CYTH3: variants seen among roughly 807,000 people sequenced by gnomAD.
CYTH3 encodes cytohesin 3, also known as cytohesin-3.
CYTH3 carries 23 observed loss-of-function variants against 55.1 expected under a neutral mutation model. That is an observed-to-expected ratio of 0.42 (90% CI 0.30 to 0.59). The LOEUF (loss-of-function observed/expected upper bound fraction) is 0.59. Among genes scored for constraint, CYTH3 ranks in the 20% least tolerant of loss-of-function variants. CYTH3 has a pLI of 0.20. For synonymous variants in CYTH3, 249 were observed against 194.9 expected, an observed-to-expected ratio of 1.28 and a Z score of -2.31; for missense variants, 413 against 524.8, an observed-to-expected ratio of 0.79 and a Z score of 2.08.
chr7:6,212,412 A>G (rs1408934676), intron 1 of CYTH3, among the ~76,000 whole-genome samples: 1 of 152,176 alleles, frequency 6.6e-6, no homozygotes, highest in African/African-American at 2.4e-5. Flanking sequence ...CCCATTAAAT[A>G]CTAACTCCCC....
rs1262355040 is a variant in CYTH3, at chr7:6,259,743, A to AAT, written c.34+12729_34+12730dup. Among the ~76,000 whole-genome samples, 69 of 36,152 alleles carry AAT rather than the reference A, an allele frequency of 1.9e-3. 2 individuals are homozygous for AAT. The highest frequency in any genetic ancestry group is 5.7e-3 in the African/African-American group (39 of 6,854). The allele number at this position is 36,152 out of a possible 152,430, so 23.7% of individuals were successfully genotyped here. On this transcript the variant is annotated intron_variant, in intron 1 of 12. Coordinates refer to ENST00000350796, the MANE Select transcript of CYTH3 (RefSeq NM_004227.4). ...CAAAATATTTTACATACATATATAT[A>AAT]ATATATATATATATTATATATATAT...
intron 1 of CYTH3, among the ~76,000 whole-genome samples, chr7:6,212,399 G>A (rs967999469): frequency 2.6e-5 from 4 of 152,058 alleles, no homozygotes; most frequent in African/African-American, 9.7e-5. Flanking sequence ...GTAAAACTCT[G>A]TACCCATTAA....
chr7:6,241,273 A>C (rs962085967), intron 1 of CYTH3, among the ~76,000 whole-genome samples: 4 of 152,268 alleles, frequency 2.6e-5, no homozygotes, highest in African/African-American at 9.6e-5. Context: ...CTAATCCCCT[A>C]CTATGCAAAG....
chr7:6,259,820 ATATATATATATATT>A (rs1562418174), intron 1 of CYTH3, among the ~76,000 whole-genome samples: 2 of 26,034 alleles, frequency 7.7e-5, no homozygotes, highest in African/African-American at 8.1e-4. Context: ...TATAATATAT[ATATATATATATATT>A]TTTTTTTTTT....
chr7:6,251,959 A>T (rs1779982515), intron 1 of CYTH3, among the ~76,000 whole-genome samples: 1 of 152,236 alleles, frequency 6.6e-6, no homozygotes, highest in African/African-American at 2.4e-5. Flanking sequence ...GTATGTGAAA[A>T]TCACTAGTCT....
intron 1 of CYTH3, among the ~76,000 whole-genome samples, chr7:6,191,658 C>CA (rs1783807704): frequency 6.8e-6 from 1 of 146,914 alleles, no homozygotes; most frequent in Non-Finnish European, 1.5e-5. Flanking sequence ...TGCAGTGGCA[C>CA]AATCTTGTCT....
chr7:6,165,621 A>G lies in CYTH3; in HGVS notation c.901-5T>C, dbSNP rs747471595. The G allele has an allele frequency of 1.2e-6, 2 of 1,613,894 alleles. No homozygotes were observed. Among genetic ancestry groups the G allele is most frequent in the Admixed American group, 3.3e-5 (2 of 60,002 alleles). ...GATTCCCCTGGGCTCCTTATCCTACAAGAGGAAAGTACACGGCGGGGCTCA... is the reference window on the plus strand; with the variant it reads ...GATTCCCCTGGGCTCCTTATCCTACGAGAGGAAAGTACACGGCGGGGCTCA... On this transcript the variant is annotated splice_polypyrimidine_tract_variant and splice_region_variant and intron_variant, in intron 10 of 12. Transcript: ENST00000350796.
intron 1 of CYTH3, among the ~76,000 whole-genome samples, chr7:6,223,663 C>G (rs997105606): frequency 6.6e-6 from 1 of 151,894 alleles, no homozygotes; most frequent in Non-Finnish European, 1.5e-5. Context: ...TCACCACTCC[C>G]TAATCTCAAG....
At chr7:6,243,057 T>G (rs368143414) in intron 1 of CYTH3, among the ~76,000 whole-genome samples, 5 of 152,200 alleles carry the variant, frequency 3.3e-5, no homozygotes, top group African/African-American at 9.6e-5. Flanking sequence ...CTGTGGTCAA[T>G]AGATGCACAC....
intron 5 of CYTH3, among the ~76,000 whole-genome samples, chr7:6,174,204 C>T (rs1436821650): frequency 6.6e-6 from 1 of 152,078 alleles, no homozygotes; most frequent in Non-Finnish European, 1.5e-5. Flanking sequence ...ATCTCTGCCT[C>T]CTGGGTTCGA....
At chr7:6,251,752 G>A (rs1486852749) in intron 1 of CYTH3, among the ~76,000 whole-genome samples, 1 of 152,122 alleles carries the variant, frequency 6.6e-6, no homozygotes, top group Admixed American at 6.6e-5. Flanking sequence ...ATAGAGTACA[G>A]GACTTCAAAG....
At position 6,171,585 on chromosome 7, in the gene CYTH3, T is replaced by C. The variant is rs886399367; in HGVS notation, c.450-271A>G. Among the ~76,000 whole-genome samples, 4 of 152,050 alleles carry C rather than the reference T, an allele frequency of 2.6e-5. No homozygotes were observed. The highest frequency in any genetic ancestry group is 9.7e-5 in the African/African-American group (4 of 41,394). Reference sequence around the variant, plus strand: ...CGGTTGTCTCTGCCTAAAAAGTAAATATCCAGGATCCTGGCACTTCTCTGT... The same window carrying C: ...CGGTTGTCTCTGCCTAAAAAGTAAACATCCAGGATCCTGGCACTTCTCTGT... On this transcript the variant is annotated intron_variant, in intron 6 of 12. Transcript: ENST00000350796. This position sits in a 1 kb window ranked among gnomAD's most constrained non-coding sequence, Gnocchi z 6.7.
chr7:6,222,937 TAGTC>T (rs1316726299), intron 1 of CYTH3, among the ~76,000 whole-genome samples: 10 of 152,358 alleles, frequency 6.6e-5, no homozygotes, highest in South Asian at 6.2e-4. Flanking sequence ...CTGCTCATAA[TAGTC>T]AATCAATCAA....
chr7:6,203,762 A>C (rs867912145), intron 1 of CYTH3, among the ~76,000 whole-genome samples: 5 of 151,460 alleles, frequency 3.3e-5, no homozygotes, highest in Non-Finnish European at 7.4e-5. Flanking sequence ...TCTGTCGCCC[A>C]GGCTGGAATG....
intron 11 of CYTH3, 48 bp from the exon 12 acceptor site, chr7:6,165,475 G>A (rs1433882609): frequency 1.9e-6 from 3 of 1,609,302 alleles, no homozygotes; most frequent in Non-Finnish European, 8.5e-7. Context: ...CTTGGGGCAG[G>A]TTCCCTGCAG....
intron 1 of CYTH3, among the ~76,000 whole-genome samples, chr7:6,260,573 C>G (rs1423638023): frequency 1.3e-5 from 2 of 152,112 alleles, no homozygotes; most frequent in Non-Finnish European, 2.9e-5. Flanking sequence ...AGCTCCCTGC[C>G]TCTCCCCAAA....
intron 1 of CYTH3, among the ~76,000 whole-genome samples, chr7:6,195,923 A>C (rs111387156): frequency 4.6e-5 from 7 of 152,242 alleles, no homozygotes; most frequent in Non-Finnish European, 8.8e-5. Context: ...ACGTAGAATA[A>C]GCTCAAGGAG....
chr7:6,242,455 C>A (rs1354813850), intron 1 of CYTH3, among the ~76,000 whole-genome samples: 6 of 149,592 alleles, frequency 4.0e-5, no homozygotes, highest in African/African-American at 1.5e-4. Context: ...TGGCTCACTG[C>A]AACCTCCGCC....
intron 2 of CYTH3, 69 bp from the exon 3 acceptor site, chr7:6,187,790 T>G (rs1783692241): frequency 7.5e-7 from 1 of 1,331,536 alleles, no homozygotes; most frequent in South Asian, 1.2e-5. Context: ...CTCAGAAATT[T>G]TAGTTCTCTT....
Sources: allele counts gnomAD v4.1 joint callset (sites outside exome capture counted in the v4.1 genomes callset), GRCh38; gene constraint gnomAD v4.1.1; non-coding constraint Gnocchi (gnomAD v3.1); transcripts MANE v1.5; gene names NCBI Gene and HGNC (gene_info 2026-07-23, HGNC 2026-07-21).